CCDC77: variants seen among roughly 807,000 people sequenced by gnomAD.
The protein encoded by CCDC77 is coiled-coil domain containing 77.
CCDC77 carries 56 observed loss-of-function variants against 66.8 expected under a neutral mutation model. The ratio of observed to expected loss-of-function variants is 0.84; its 90% CI spans 0.68 to 1.05. The LOEUF is 1.05. Among genes scored for constraint, CCDC77 ranks in the 50% least tolerant of loss-of-function variants. The probability of loss-of-function intolerance (pLI) is 0.00; values close to 1 mark genes in which losing one functional copy is unlikely to be tolerated. For synonymous variants in CCDC77, 196 were observed against 195.2 expected (o/e 1.00, Z -0.03); for missense variants, 570 against 576.8 (o/e 0.99, Z 0.12).
chr12:392,346 A>C (rs1216551179), intron 1 of CCDC77, among the ~76,000 whole-genome samples: 1 of 152,228 alleles, frequency 6.6e-6, no homozygotes, highest in Admixed American at 6.5e-5. Context: ...TCAGAGAGGG[A>C]AAAGTCAAAA....
intron 3 of CCDC77, among the ~76,000 whole-genome samples, chr12:410,035 T>A (rs1314317787): frequency 6.6e-6 from 1 of 151,904 alleles, no homozygotes; most frequent in African/African-American, 2.4e-5. Flanking sequence ...AAACTAGTAT[T>A]TCTCTCACAA....
chr12:430,142 TG>T (rs1400654665), intron 6 of CCDC77, among the ~76,000 whole-genome samples: 1 of 152,018 alleles, frequency 6.6e-6, no homozygotes, highest in African/African-American at 2.4e-5. Flanking sequence ...TACAGGCATG[TG>T]CCACCACGCC....
chr12:423,290 A>G (rs184414073), intron 5 of CCDC77, among the ~76,000 whole-genome samples: 2,676 of 88,482 alleles, frequency 0.03, 91 homozygotes, highest in African/African-American at 0.097. Flanking sequence ...TGCCCAGCTA[A>G]TTTTTATATA....
intron 9 of CCDC77, 82 bp from the exon 10 acceptor site, chr12:438,253 T>G: frequency 2.1e-6 from 2 of 957,288 alleles, no homozygotes; most frequent in Non-Finnish European, 3.2e-6. Context: ...AAAGAACCAC[T>G]CTCTTCCATT....
upstream of CCDC77, among the ~76,000 whole-genome samples, chr12:401,228 G>A (rs142219448): frequency 3.4e-4 from 52 of 152,302 alleles, no homozygotes; most frequent in African/African-American, 1.0e-3. Context: ...TAGGCCACCC[G>A]GTCATGGAAG....
intron 3 of CCDC77, among the ~76,000 whole-genome samples, chr12:409,939 A>C (rs1237118421): frequency 6.6e-6 from 1 of 150,686 alleles, no homozygotes; most frequent in Non-Finnish European, 1.5e-5. Flanking sequence ...TGGAGGTTGC[A>C]GTGAGCTCAG....
chr12:434,528 A>G (rs1367769957), intron 9 of CCDC77, among the ~76,000 whole-genome samples: 3 of 151,736 alleles, frequency 2.0e-5, no homozygotes, highest in Admixed American at 2.0e-4. Context: ...AATTTTGTAT[A>G]TTTAGTAGAG....
intron 2 of CCDC77, among the ~76,000 whole-genome samples, chr12:406,914 T>A (rs1017024535): frequency 6.6e-5 from 10 of 152,218 alleles, no homozygotes; most frequent in Non-Finnish European, 8.8e-5. Flanking sequence ...GCCATCGCAC[T>A]CCAGCTTGGA....
At chr12:431,638 T>TCTTAACCACATGATGC (rs1945653988) in intron 7 of CCDC77, among the ~76,000 whole-genome samples, 1 of 152,218 alleles carries the variant, frequency 6.6e-6, no homozygotes, top group Non-Finnish European at 1.5e-5. Flanking sequence ...TATGATTATT[T>TCTTAACCACATGATGC]AGGTGACATC....
intron 4 of CCDC77, among the ~76,000 whole-genome samples, chr12:416,369 GTGTGTGTGTATATATATATA>G (rs1309868711): frequency 1.8e-3 from 54 of 29,324 alleles, no homozygotes; most frequent in Non-Finnish European, 2.7e-3. Flanking sequence ...GTGTGTGTGT[GTGTGTGTGTATATATATATA>G]TATATATATA....
chr12:432,964 T>G (rs1945678935), intron 8 of CCDC77, among the ~76,000 whole-genome samples: 1 of 152,172 alleles, frequency 6.6e-6, no homozygotes, highest in South Asian at 2.1e-4. Flanking sequence ...CCCAGGGGGT[T>G]GAGGCTGCAG....
chr12:440,848 G>T lies in CCDC77; in HGVS notation c.1172G>T (p.Arg391Leu). The T allele has an allele frequency of 1.2e-6, 2 of 1,613,322 alleles. No individual in the cohort carries two copies. Among genetic ancestry groups the T allele is most frequent in the East Asian group, 4.5e-5 (2 of 44,888 alleles). The change falls in exon 12 of 13, where the codon CGC (arginine) becomes CTC (leucine). Residue 391 changes from arginine to leucine, a missense_variant. By Grantham distance (102) the Arg-to-Leu change is moderately radical. Coordinates refer to ENST00000239830, the MANE Select transcript of CCDC77 (RefSeq NM_032358.4). ...EGMRREIFKD[R>L]TNKMGKRLQI... ...CTTCCCATTCCCCATATTTAGGATC[G>T]CACTAACAAGATGGGGAAGCGTTTA...
intron 2 of CCDC77, among the ~76,000 whole-genome samples, 168 bp from the exon 3 acceptor site, chr12:409,200 G>A (rs1945056561): frequency 2.1e-5 from 3 of 139,846 alleles, no homozygotes; most frequent in South Asian, 2.2e-4. Flanking sequence ...AACAGAGTGA[G>A]ACACTGTCTC....
intron 2 of CCDC77, among the ~76,000 whole-genome samples, chr12:407,782 A>ATTTTTTTT (rs386375348): frequency 2.0e-4 from 20 of 100,440 alleles, no homozygotes; most frequent in East Asian, 1.6e-3. Context: ...AGGACTGAAG[A>ATTTTTTTT]TTTTTTTTTT....
At chr12:399,303 C>T (rs1340276854), upstream of CCDC77, among the ~76,000 whole-genome samples, 1 of 152,108 alleles carries the variant, frequency 6.6e-6, no homozygotes, top group Admixed American at 6.5e-5. Context: ...TCCTGAGTAG[C>T]TGGGATTACA....
intron 10 of CCDC77, among the ~76,000 whole-genome samples, chr12:439,811 A>G (rs571122934): frequency 6.6e-6 from 1 of 152,232 alleles, no homozygotes; most frequent in African/African-American, 2.4e-5. Flanking sequence ...TATAGATTAT[A>G]AAATGCGGTA....
intron 9 of CCDC77, among the ~76,000 whole-genome samples, chr12:434,913 C>T (rs1339991332): frequency 5.9e-5 from 9 of 152,252 alleles, no homozygotes; most frequent in South Asian, 2.1e-4. Flanking sequence ...ACTGAAACCA[C>T]GCTGTTGTTT....
intron 4 of CCDC77, among the ~76,000 whole-genome samples, chr12:416,375 GTGTATATATATATA>G (rs1945275147): frequency 4.9e-5 from 1 of 20,590 alleles, no homozygotes; most frequent in Non-Finnish European, 9.4e-5. Context: ...GTGTGTGTGT[GTGTATATATATATA>G]TATATATATA....
In CCDC77 at chr12:416,419, CT is replaced by C. The variant is rs57980606; in HGVS notation, c.271-2061del. Among the ~76,000 whole-genome samples, 97 of 55,188 alleles carry C rather than the reference CT, an allele frequency of 1.8e-3. 2 individuals carry two copies. The highest frequency in any genetic ancestry group is 5.5e-3 in the African/African-American group (80 of 14,578). The allele number at this position is 55,188 out of a possible 152,430, so 36.2% of individuals were successfully genotyped here. A position where few individuals can be genotyped will look rare whatever the true frequency, so the allele number is the denominator to read the frequency against. ...TATATATATATATATATATATATTT[CT>C]TTTTTTTTTTTTTGGAGGCAGTCTG... On this transcript the variant is annotated intron_variant, in intron 4 of 12. Coordinates refer to ENST00000239830, the MANE Select transcript of CCDC77 (RefSeq NM_032358.4).
Sources: gnomAD v4.1 joint callset for allele counts (sites outside exome capture counted in the v4.1 genomes callset) on GRCh38, gnomAD v4.1.1 for gene constraint, MANE v1.5 for transcripts, NCBI Gene and HGNC (gene_info 2026-07-23, HGNC 2026-07-21) for gene names.